PPA2: variants seen among roughly 807,000 people sequenced by gnomAD.
PPA2 encodes inorganic pyrophosphatase 2, mitochondrial.
PPA2 carries 48 observed loss-of-function variants against 49.5 expected under a neutral mutation model. The observed-to-expected ratio is 0.97, with a 90% CI of 0.77 to 1.23. The LOEUF is 1.23. PPA2 is among the 50% of genes most tolerant of loss of function. The pLI, the probability that PPA2 is intolerant of heterozygous loss-of-function variation, is 0.00. For missense variants in PPA2, 429 were observed against 410.1 expected (o/e 1.05, Z -0.40); for synonymous variants, 131 against 139.9 (o/e 0.94, Z 0.45).
intron 1 of PPA2, among the ~76,000 whole-genome samples, chr4:105,467,039 G>A (rs1007021322): frequency 7.9e-5 from 12 of 152,182 alleles, no homozygotes; most frequent in African/African-American, 2.9e-4. Flanking sequence ...TTTGGAGACT[G>A]CCTTTCCCTG....
chr4:105,372,017 C>T (rs1037452017), intron 10 of PPA2, among the ~76,000 whole-genome samples: 12 of 152,186 alleles, frequency 7.9e-5, no homozygotes, highest in Admixed American at 2.0e-4. Flanking sequence ...CAAACAGCCA[C>T]CCACCGGCCC....
At chr4:105,421,312 A>G (rs1026249040) in intron 7 of PPA2, among the ~76,000 whole-genome samples, 2 of 152,242 alleles carry the variant, frequency 1.3e-5, no homozygotes, top group African/African-American at 4.8e-5. Context: ...GGAAGCAACC[A>G]TTCAAAAGAA....
rs1732943483 is a variant in PPA2 at position 105,369,659 on chromosome 4, C to CCT, written c.*64_*65dup. 1 of 913,364 alleles carries CCT rather than the reference C, an allele frequency of 1.1e-6. No homozygotes were observed. Among genetic ancestry groups the CCT allele is most frequent in the Non-Finnish European group, 1.5e-6 (1 of 650,624 alleles). 56.6% of individuals were successfully genotyped at this position (913,364 alleles called of 1,614,324 possible). A position where few individuals can be genotyped will look rare whatever the true frequency, so the allele number is the denominator to read the frequency against. ...GAAGTCAGTAAATGCTCATAGACCCCCTTGTCTCTAGCACTTGGAGTCCTT... is the reference window on the plus strand; with the variant it reads ...GAAGTCAGTAAATGCTCATAGACCCCCTCTTGTCTCTAGCACTTGGAGTCCTT... On this transcript the variant is annotated 3_prime_UTR_variant, in exon 12 of 12. Transcript: ENST00000341695.
intron 3 of PPA2, among the ~76,000 whole-genome samples, chr4:105,452,271 G>A (rs927474213): frequency 1.3e-5 from 2 of 152,088 alleles, no homozygotes; most frequent in African/African-American, 4.8e-5. Flanking sequence ...GAATGTCTGG[G>A]CTCAGAATAT....
chr4:105,390,586 A>C (rs1733873947), intron 9 of PPA2, among the ~76,000 whole-genome samples: 1 of 152,252 alleles, frequency 6.6e-6, no homozygotes, highest in Non-Finnish European at 1.5e-5. Flanking sequence ...AGAGAAATAC[A>C]AATCAAAACC....
chr4:105,394,249 C>T (rs1003094798), intron 9 of PPA2, among the ~76,000 whole-genome samples: 3 of 151,840 alleles, frequency 2.0e-5, no homozygotes, highest in Non-Finnish European at 4.4e-5. Context: ...CTTATGTAAT[C>T]CCAGCTACTT....
intron 10 of PPA2, among the ~76,000 whole-genome samples, chr4:105,374,251 GT>G (rs1169987595): frequency 6.6e-6 from 1 of 152,132 alleles, no homozygotes; most frequent in Non-Finnish European, 1.5e-5. Flanking sequence ...TTGTTTTATA[GT>G]CTCATTCTAA....
At position 105,412,556 on chromosome 4, in the gene PPA2, A is replaced by G. The variant is rs71599055; in HGVS notation, c.655+11640T>C. On this transcript the variant is annotated intron_variant, in intron 7 of 11. Transcript: ENST00000341695. Reference sequence around the variant, plus strand: ...TTGTCGGAGTGAAGAGGCAACCTAGAGAATGGGAGAAAATTTTCGCAATCT... The same window carrying G: ...TTGTCGGAGTGAAGAGGCAACCTAGGGAATGGGAGAAAATTTTCGCAATCT... 9.3e-3 allele frequency among the ~76,000 whole-genome samples: 1,411 copies of G among 152,334 alleles called. 14 individuals are homozygous for G. Among genetic ancestry groups the G allele is most frequent in the Middle Eastern group, 0.02 (6 of 294 alleles).
rs1284829752 is a variant in PPA2, at chr4:105,396,266, A to G, written c.852T>C (p.Asn284=). ...ATTCTTACCAATTTATAGCTCCTCC[A>G]TTACACTTCTTCATAAGCAATGCTT... ...CWKALLMKKC[N]GGAINCTNVQ... Residue 284 remains asparagine (N), a synonymous_variant, in exon 9 of 12, where the codon AAT becomes AAC. Transcript: ENST00000341695. 1 of 1,590,238 alleles carries G rather than the reference A, an allele frequency of 6.3e-7. No individual in the cohort carries two copies. The highest frequency in any genetic ancestry group is 8.6e-7 in the Non-Finnish European group (1 of 1,166,624).
chr4:105,455,772 C>G (rs1722852089), intron 2 of PPA2, among the ~76,000 whole-genome samples: 1 of 152,204 alleles, frequency 6.6e-6, no homozygotes, highest in African/African-American at 2.4e-5. Context: ...ACAACCCTTG[C>G]ATCTGAAGTA....
intron 1 of PPA2, among the ~76,000 whole-genome samples, chr4:105,463,124 TG>T (rs1723160935): frequency 6.6e-6 from 1 of 152,196 alleles, no homozygotes; most frequent in African/African-American, 2.4e-5. Context: ...CAGGAAAACG[TG>T]GGAAAGTCTG....
Position 105,414,908 on chromosome 4 carries a change from G to A in PPA2, c.655+9288C>T, listed in dbSNP as rs1387050708. On this transcript the variant is annotated intron_variant, in intron 7 of 11. Transcript: ENST00000341695. The stretch of plus-strand genomic sequence containing the variant: ...ACAGCTCGCAGAAGATCAGAAGTGG[G>A]TAGCTCCTATCCACAGGTAGGTCAT... Among the ~76,000 whole-genome samples, 5 of 152,154 alleles carry A rather than the reference G, an allele frequency of 3.3e-5. No homozygotes were observed. The East Asian group carries it at 9.6e-4, about 29-fold the overall frequency.
intron 10 of PPA2, among the ~76,000 whole-genome samples, chr4:105,375,269 C>G (rs1733202771): frequency 6.6e-6 from 1 of 151,604 alleles, no homozygotes; most frequent in Non-Finnish European, 1.5e-5. Flanking sequence ...TGGTAATGCA[C>G]AGCAAAGCTG....
At chr4:105,394,453 G>GTAAGTTACC (rs1301601867) in intron 9 of PPA2, among the ~76,000 whole-genome samples, 8 of 151,486 alleles carry the variant, frequency 5.3e-5, no homozygotes, top group Admixed American at 6.6e-5. Flanking sequence ...GTGACCTTAG[G>GTAAGTTACC]TAAGTTACCT....
chr4:105,452,009 G>T (rs899659893), intron 3 of PPA2, among the ~76,000 whole-genome samples: 1 of 152,226 alleles, frequency 6.6e-6, no homozygotes, highest in African/African-American at 2.4e-5. Flanking sequence ...AGTTGTGTAT[G>T]TGGCAAGGAC....
At chr4:105,410,931 G>C (rs1241478635) in intron 7 of PPA2, among the ~76,000 whole-genome samples, 3 of 152,098 alleles carry the variant, frequency 2.0e-5, no homozygotes, top group Admixed American at 2.0e-4. Flanking sequence ...ACATGGAAAG[G>C]AATAACCGGT....
chr4:105,464,609 G>A (rs1578889211), intron 1 of PPA2, among the ~76,000 whole-genome samples: 1 of 152,174 alleles, frequency 6.6e-6, no homozygotes, highest in Admixed American at 6.5e-5. Context: ...CACATGTTGT[G>A]GGAGGAATCC....
chr4:105,456,777 G>T (rs1215247380), intron 1 of PPA2, 32 bp from the exon 2 acceptor site: 1 of 1,528,258 alleles, frequency 6.5e-7, no homozygotes, highest in Non-Finnish European at 9.0e-7. Flanking sequence ...AAACAAAACA[G>T]AATTAAAGCA....
intron 7 of PPA2, among the ~76,000 whole-genome samples, chr4:105,411,429 C>A (rs1722752958): frequency 6.6e-6 from 1 of 151,946 alleles, no homozygotes; most frequent in Non-Finnish European, 1.5e-5. Context: ...TAGAGACCTA[C>A]AAAGAGGTCT....
Sources: allele counts gnomAD v4.1 joint callset (sites outside exome capture counted in the v4.1 genomes callset), GRCh38; gene constraint gnomAD v4.1.1; transcripts MANE v1.5; gene names NCBI Gene and HGNC (gene_info 2026-07-23, HGNC 2026-07-21).